Variants in VPS53 observed in about 807,000 individuals in gnomAD.
VPS53 encodes the protein vacuolar protein sorting-associated protein 53 homolog.
VPS53 carries 70 observed loss-of-function variants against 107.0 expected under a neutral mutation model. The observed-to-expected ratio is 0.65, with a 90% confidence interval of 0.54 to 0.80. The LOEUF (loss-of-function observed/expected upper bound fraction) is 0.80, where lower values mean the gene tolerates loss of function less well. Ranked by LOEUF, VPS53 falls within the 30% of genes least tolerant of loss-of-function variation. VPS53 has a pLI of 0.00. For missense variants in VPS53, 917 were observed against 1,049.4 expected, an observed-to-expected ratio of 0.87 and a Z score of 1.74; for synonymous variants, 409 against 393.3, an observed-to-expected ratio of 1.04 and a Z score of -0.47.
At chr17:627,752 G>A (rs1247693401) in intron 9 of VPS53, among the ~76,000 whole-genome samples, 1 of 142,384 alleles carries the variant, frequency 7.0e-6, no homozygotes, top group East Asian at 2.1e-4. Context: ...TCCAGCCTGG[G>A]CAACAAGAGC....
intron 4 of VPS53, among the ~76,000 whole-genome samples, chr17:666,402 G>A (rs1451889992): frequency 6.6e-6 from 1 of 152,220 alleles, no homozygotes; most frequent in Non-Finnish European, 1.5e-5. Flanking sequence ...AGTGGCTCAG[G>A]CCTATAATCC....
At chr17:614,399 T>C (rs1052400184) in intron 11 of VPS53, among the ~76,000 whole-genome samples, 13 of 152,246 alleles carry the variant, frequency 8.5e-5, no homozygotes, top group African/African-American at 3.1e-4. Context: ...GGATGACTTT[T>C]TTCCTGCTTC....
intron 5 of VPS53, among the ~76,000 whole-genome samples, chr17:657,783 G>A (rs1459480034): frequency 6.6e-6 from 1 of 152,106 alleles, no homozygotes; most frequent in South Asian, 2.1e-4. Context: ...CCGTGAGTTT[G>A]TGGATAGATA....
rs758207417 is a variant in VPS53 at position 537,017 on chromosome 17, C to T, written c.2015+11G>A. 6.2e-7 allele frequency: 1 copy of T among 1,614,040 alleles called. No homozygotes were observed. The highest frequency in any genetic ancestry group is 1.7e-5 in the Admixed American group (1 of 60,004). On this transcript the variant is annotated intron_variant, in intron 18 of 21. Coordinates refer to ENST00000437048, the MANE Select transcript of VPS53 (RefSeq NM_001128159.3). ...ACAAGAACCCAGAGATGAGCACGCC[C>T]CAGGACTTACTTTGCAAATTTAACG...
chr17:532,941 G>A (rs769882852), intron 18 of VPS53, 30 bp from the exon 19 acceptor site: 8 of 1,607,904 alleles, frequency 5.0e-6, no homozygotes, highest in Non-Finnish European at 6.8e-6. Context: ...GACAAATTAG[G>A]CTTATTCTCT....
chr17:607,522 G>A (rs963718804), intron 11 of VPS53, among the ~76,000 whole-genome samples: 7 of 152,186 alleles, frequency 4.6e-5, no homozygotes, highest in Admixed American at 2.0e-4. Flanking sequence ...CTGGCATAAC[G>A]CAGCCTTCTG....
chr17:606,120 T>C (rs1033892336), intron 11 of VPS53, among the ~76,000 whole-genome samples: 15 of 151,930 alleles, frequency 9.9e-5, no homozygotes, highest in African/African-American at 3.6e-4. Context: ...TAGAAAAAAG[T>C]GTCCATCGGA....
At chr17:526,346 A>T (rs991814432) in intron 19 of VPS53, among the ~76,000 whole-genome samples, 1 of 152,256 alleles carries the variant, frequency 6.6e-6, no homozygotes, top group Admixed American at 6.5e-5. Flanking sequence ...AAGGGTTTGA[A>T]TGCACCAGGC....
At chr17:653,534 C>T in intron 6 of VPS53, 124 bp from the exon 7 acceptor site, 2 of 1,444,132 alleles carry the variant, frequency 1.4e-6, no homozygotes, top group Non-Finnish European at 1.9e-6. Context: ...TCGCTGAGCA[C>T]TGAGTATATA....
At chr17:609,519 A>G (rs1159850704) in intron 11 of VPS53, among the ~76,000 whole-genome samples, 1 of 152,254 alleles carries the variant, frequency 6.6e-6, no homozygotes, top group Non-Finnish European at 1.5e-5. Flanking sequence ...GTAATTAAAA[A>G]AAAAGAATTC....
At chr17:533,864 G>C (rs1047477381) in intron 18 of VPS53, among the ~76,000 whole-genome samples, 11 of 150,540 alleles carry the variant, frequency 7.3e-5, no homozygotes, top group Non-Finnish European at 1.6e-4. Context: ...TTTTGAGACA[G>C]AGTCTCGCTC....
intron 2 of VPS53, among the ~76,000 whole-genome samples, chr17:710,100 G>A (rs1053266405): frequency 5.3e-5 from 8 of 152,006 alleles, no homozygotes; most frequent in African/African-American, 1.9e-4. Context: ...AGCCGAGACC[G>A]CGCCATTGCA....
At chr17:523,661 G>A (rs1242642503) in intron 19 of VPS53, among the ~76,000 whole-genome samples, 1 of 152,210 alleles carries the variant, frequency 6.6e-6, no homozygotes, top group Admixed American at 6.5e-5. Flanking sequence ...ACTAAGGTCA[G>A]AGCAATTTCA....
At chr17:633,887 G>A (rs1970070016) in intron 7 of VPS53, among the ~76,000 whole-genome samples, 1 of 152,220 alleles carries the variant, frequency 6.6e-6, no homozygotes, top group Non-Finnish European at 1.5e-5. Flanking sequence ...GCCTGCTGTG[G>A]TGCCAGGTCA....
intron 5 of VPS53, among the ~76,000 whole-genome samples, chr17:657,958 G>A (rs113421449): frequency 6.8e-6 from 1 of 147,502 alleles, no homozygotes; most frequent in Non-Finnish European, 1.5e-5. Context: ...TGAGAAACTC[G>A]GCAGGGAGTT....
chr17:697,333 C>T, intron 4 of VPS53, 85 bp downstream of exon 4: 2 of 1,146,460 alleles, frequency 1.7e-6, no homozygotes, highest in Non-Finnish European at 2.6e-6. Context: ...AAGTGCTCTG[C>T]AAGAGGGCAC....
Position 513,155 on chromosome 17 carries a change from A to G in VPS53, c.*5973T>C, listed in dbSNP as rs2289621. On this transcript the variant is annotated 3_prime_UTR_variant, in exon 22 of 22. Transcript: ENST00000437048. ...CCACCAGGAGCGGCCAGGGTCACGG[A>G]CTTGCTACTTCTTTCCTAGAGTCTG... is the stretch of plus-strand genomic sequence containing the variant. 0.19 allele frequency: 28,475 copies of G among 152,146 alleles called. 5,043 individuals are homozygous for G. Among genetic ancestry groups the G allele is most frequent in the African/African-American group, 0.45 (18,779 of 41,434 alleles). 9.4% of individuals were successfully genotyped at this position (152,146 alleles called of 1,614,324 possible). A position where few individuals can be genotyped will look rare whatever the true frequency, so the allele number is the denominator to read the frequency against.
chr17:610,604 A>G (rs185306404), intron 11 of VPS53, among the ~76,000 whole-genome samples: 7 of 152,226 alleles, frequency 4.6e-5, no homozygotes, highest in Admixed American at 2.6e-4. Flanking sequence ...TATGTCTGAT[A>G]CATGATAAAA....
intron 11 of VPS53, among the ~76,000 whole-genome samples, chr17:621,677 A>T (rs1483068876): frequency 6.6e-6 from 1 of 151,108 alleles, no homozygotes; most frequent in Non-Finnish European, 1.5e-5. Context: ...CGTCTGTCTG[A>T]CTCTGTACTC....
Sources: allele counts gnomAD v4.1 joint callset (sites outside exome capture counted in the v4.1 genomes callset), GRCh38; gene constraint gnomAD v4.1.1; transcripts MANE v1.5; gene names NCBI Gene and HGNC (gene_info 2026-07-23, HGNC 2026-07-21).